The following HLA-DQA1 variants were observed in gnomAD, a reference collection of about 807,000 sequenced individuals.
HLA-DQA1 encodes HLA class II histocompatibility antigen, DQ alpha 1 chain.
In HLA-DQA1, 10 loss-of-function variants were observed where a neutral mutation model predicts 20.7. The ratio of observed to expected loss-of-function variants is 0.48; its 90% CI spans 0.30 to 0.82. The LOEUF (loss-of-function observed/expected upper bound fraction) is 0.82. Ranked by LOEUF, HLA-DQA1 falls within the 40% of genes least tolerant of loss-of-function variation. The pLI is 0.07. For missense variants in HLA-DQA1, 127 were observed against 293.0 expected (o/e 0.43, Z 4.14); for synonymous variants, 39 against 109.2 (o/e 0.36, Z 4.01).
At chr6:32,637,664 TA>T in intron 1 of HLA-DQA1, 124 bp downstream of exon 1, 1 of 471,706 alleles carries the variant, frequency 2.1e-6, no homozygotes. Context: ...TTAAGACAAT[TA>T]AAAATTATAG....
chr6:32,650,414 G>A (rs555548512), downstream of HLA-DQA1, among the ~76,000 whole-genome samples: 111 of 96,228 alleles, frequency 1.2e-3, 40 homozygotes, highest in Admixed American at 9.5e-3. Context: ...TGTTTATTGC[G>A]GCACTATTCA....
downstream of HLA-DQA1, chr6:32,647,155 G>A (rs1781990949): frequency 6.6e-6 from 1 of 151,004 alleles, no homozygotes; most frequent in Non-Finnish European, 1.5e-5. Context: ...ATTGAGTATT[G>A]TTAAAGCTGG....
rs9272853 is a variant in HLA-DQA1, at chr6:32,642,928, G to C, written c.*21-24G>C. The stretch of plus-strand genomic sequence containing the variant: ...ACACAGGAGCCCCCTCGGACCCATT[G>C]ATCTCATGTCTGCCCTGTTGCAGGT... On this transcript the variant is annotated intron_variant, in intron 4 of 4. Transcript: ENST00000343139. The C allele has an allele frequency of 1.2e-3, 693 of 556,882 alleles. 23 individuals carry two copies. The highest frequency in any genetic ancestry group is 5.4e-3 in the Admixed American group (161 of 29,558). 34.5% of individuals were successfully genotyped at this position (556,882 alleles called of 1,614,324 possible).
At chr6:32,641,842 C>A (rs28383462) in intron 2 of HLA-DQA1, 130 bp from the exon 3 acceptor site, 1 of 593,600 alleles carries the variant, frequency 1.7e-6, no homozygotes, top group East Asian at 4.0e-5. Context: ...TGCTCCCAAG[C>A]AGAAGGTAAA....
chr6:32,639,974 G>A lies in HLA-DQA1; in HGVS notation c.83-1336G>A, dbSNP rs1055760997. The A allele has an allele frequency of 3.4e-5, 3 of 87,452 alleles. 1 individual carries two copies. Among genetic ancestry groups the A allele is most frequent in the African/African-American group, 1.1e-4 (3 of 26,330 alleles). 5.4% of individuals were successfully genotyped at this position (87,452 alleles called of 1,614,324 possible). A position where few individuals can be genotyped will look rare whatever the true frequency, so the allele number is the denominator to read the frequency against. Reference sequence around the variant, plus strand: ...AGACGGAGGGGTTGGAGGTCATAATGTGGTCAAAAACATGTTGATGAGAGG... The same window carrying A: ...AGACGGAGGGGTTGGAGGTCATAATATGGTCAAAAACATGTTGATGAGAGG... On this transcript the variant is annotated intron_variant, in intron 1 of 4. Transcript: ENST00000343139.
At chr6:32,638,415 T>G (rs1781052868) in intron 1 of HLA-DQA1, among the ~76,000 whole-genome samples, 1 of 118,844 alleles carries the variant, frequency 8.4e-6, no homozygotes, top group Non-Finnish European at 1.8e-5. Context: ...CTCATGCCTG[T>G]AATCCCAGCA....
At chr6:32,644,034 C>CATGACGATACAAAACA (rs1561954933), downstream of HLA-DQA1, 4 of 31,328 alleles carry the variant, frequency 1.3e-4, no homozygotes, top group African/African-American at 1.9e-4. Context: ...TTCTTGGAAA[C>CATGACGATACAAAACA]ATGCCAATAT....
downstream of HLA-DQA1, chr6:32,647,161 G>A (rs28546328): frequency 0.052 from 7,764 of 149,802 alleles, 1,039 homozygotes; most frequent in South Asian, 0.13. Context: ...TATTGTTAAA[G>A]CTGGCCTTTT....
downstream of HLA-DQA1, among the ~76,000 whole-genome samples, chr6:32,647,255 G>T (rs1781998912): frequency 1.5e-5 from 1 of 66,814 alleles, no homozygotes. Context: ...AACGCCTGAG[G>T]TCAGGAGTTC....
the HLA-DQA1 span, among the ~76,000 whole-genome samples, chr6:32,654,600 G>A: frequency 0.12 from 10,725 of 92,904 alleles, 3,986 homozygotes; most frequent in East Asian, 0.32. Context: ...GTATTGTTTT[G>A]GAATTGGAAT....
At position 32,642,814 on chromosome 6, in the gene HLA-DQA1, G is replaced by A. The variant is rs9272803; in HGVS notation, c.*20+30G>A. The stretch of plus-strand genomic sequence containing the variant: ...GATTGAGACTGGTTACAGTTGAAGC[G>A]GCAGTATGAAAGGAAGGAAAGTGGG... On this transcript the variant is annotated intron_variant, in intron 4 of 4. Coordinates refer to ENST00000343139, the MANE Select transcript of HLA-DQA1 (RefSeq NM_002122.5). 8.1e-5 allele frequency: 82 copies of A among 1,009,964 alleles called. 20 individuals carry two copies. Among genetic ancestry groups the A allele is most frequent in the Admixed American group, 7.3e-4 (25 of 34,048 alleles). 62.6% of individuals were successfully genotyped at this position (1,009,964 alleles called of 1,614,324 possible). A position where few individuals can be genotyped will look rare whatever the true frequency, so the allele number is the denominator to read the frequency against.
chr6:32,652,683 C>G, the HLA-DQA1 span, among the ~76,000 whole-genome samples: 1 of 139,128 alleles, frequency 7.2e-6, no homozygotes. Context: ...GTGCATGTAC[C>G]TCATTTTGTC....
downstream of HLA-DQA1, among the ~76,000 whole-genome samples, chr6:32,648,429 C>T (rs144513066): frequency 4.1e-5 from 4 of 96,482 alleles, 1 homozygote; most frequent in African/African-American, 7.2e-5. Context: ...AAAGCTTATC[C>T]ACCACGATCA....
chr6:32,645,886 G>GTC (rs1385833756), downstream of HLA-DQA1: 2 of 71,252 alleles, frequency 2.8e-5, 1 homozygote, highest in Non-Finnish European at 6.5e-5. Context: ...GTGTGTGTGT[G>GTC]TGTCTGTAAT....
the HLA-DQA1 span, among the ~76,000 whole-genome samples, chr6:32,652,627 A>G: frequency 1.3e-5 from 2 of 149,640 alleles, no homozygotes; most frequent in African/African-American, 4.9e-5. Flanking sequence ...GCTTAGTGTT[A>G]CAGCAGAATG....
chr6:32,648,777 G>C (rs1782080235), downstream of HLA-DQA1, among the ~76,000 whole-genome samples: 1 of 96,418 alleles, frequency 1.0e-5, no homozygotes, highest in Non-Finnish European at 2.3e-5. Flanking sequence ...GGAAGTTCTG[G>C]CCAGGGCAAT....
At chr6:32,650,621 G>A (rs2150986055), downstream of HLA-DQA1, among the ~76,000 whole-genome samples, 2 of 90,958 alleles carry the variant, frequency 2.2e-5, 1 homozygote, top group East Asian at 7.1e-4. Context: ...AACACCGCAT[G>A]TTCTCGCTCA....
intron 2 of HLA-DQA1, 146 bp downstream of exon 2, chr6:32,641,704 T>C (rs1472579556): frequency 3.3e-6 from 2 of 607,322 alleles, no homozygotes; most frequent in Non-Finnish European, 2.7e-6. Context: ...CATATTCCCA[T>C]GTAATACAAG....
chr6:32,653,355 T>C, the HLA-DQA1 span, among the ~76,000 whole-genome samples: 1,766 of 95,518 alleles, frequency 0.018, 578 homozygotes, highest in African/African-American at 0.061. Context: ...CTGCAACCTC[T>C]GCCTCCCAGG....
Sources: gnomAD v4.1 joint callset for allele counts (sites outside exome capture counted in the v4.1 genomes callset) on GRCh38, gnomAD v4.1.1 for gene constraint, MANE v1.5 for transcripts, NCBI Gene and HGNC (gene_info 2026-07-23, HGNC 2026-07-21) for gene names.